The following KLHL24 variants were observed in gnomAD, a reference collection of about 807,000 sequenced individuals.
KLHL24 encodes the protein kelch-like protein 24.
KLHL24 carries 29 observed loss-of-function variants against 53.4 expected under a neutral mutation model. The ratio of observed to expected loss-of-function variants is 0.54; its 90% CI spans 0.40 to 0.74. The LOEUF (loss-of-function observed/expected upper bound fraction) is 0.74, where lower values mean the gene tolerates loss of function less well. KLHL24 is among the 30% of genes least tolerant of loss of function. The pLI is 0.00. For synonymous variants in KLHL24, 222 were observed against 253.7 expected, an observed-to-expected ratio of 0.88 and a Z score of 1.19; for missense variants, 504 against 744.0, an observed-to-expected ratio of 0.68 and a Z score of 3.75.
intron 1 of KLHL24, among the ~76,000 whole-genome samples, chr3:183,637,751 C>T (rs1225520640): frequency 2.0e-5 from 3 of 152,162 alleles, no homozygotes; most frequent in African/African-American, 7.2e-5. Flanking sequence ...CTCCGCCTCC[C>T]GAGTTCAATC....
chr3:183,650,333 A>G lies in KLHL24; in HGVS notation c.-24A>G. 1.3e-6 allele frequency: 2 copies of G among 1,581,464 alleles called. No homozygotes were observed. Among genetic ancestry groups the G allele is most frequent in the Non-Finnish European group, 1.7e-6 (2 of 1,157,622 alleles). On this transcript the variant is annotated 5_prime_UTR_variant, in exon 3 of 8. Transcript: ENST00000242810. This position sits in a 1 kb window ranked among gnomAD's most constrained non-coding sequence, Gnocchi z 4.5. ...GATCCCTAATAGTCATTTCTCAACA[A>G]TTATATAGTCAACTGATGTAACAAT...
At chr3:183,635,985 C>G (rs1316308454) in intron 1 of KLHL24, among the ~76,000 whole-genome samples, 192 bp downstream of exon 1, 1 of 152,168 alleles carries the variant, frequency 6.6e-6, no homozygotes, top group Non-Finnish European at 1.5e-5. Flanking sequence ...TCTTCCTCCC[C>G]CGCTTGGTAG....
rs1718050347 is a variant in KLHL24 at position 183,651,078 on chromosome 3, T to C, written c.722T>C (p.Val241Ala). ...EAVMRWVYRA[V>A]DLRRPLLHEL... The stretch of plus-strand genomic sequence containing the variant: ...GTCATGCGTTGGGTCTATCGTGCCG[T>C]TGATCTGAGAAGACCACTGTTACAC... Residue 241 changes from valine to alanine, a missense_variant, in exon 3 of 8, where the codon GTT (valine) becomes GCT (alanine). Transcript: ENST00000242810. The C allele has an allele frequency of 6.2e-7, 1 of 1,614,070 alleles. No individual in the cohort carries two copies. The highest frequency in any genetic ancestry group is 8.5e-7 in the Non-Finnish European group (1 of 1,180,036).
chr3:183,646,533 G>A (rs1458573953), intron 2 of KLHL24, among the ~76,000 whole-genome samples: 1 of 152,156 alleles, frequency 6.6e-6, no homozygotes, highest in Non-Finnish European at 1.5e-5. Context: ...CAGAGAAACA[G>A]AAAAGATCCT....
intron 1 of KLHL24, among the ~76,000 whole-genome samples, chr3:183,640,022 C>T (rs1012361221): frequency 1.3e-5 from 2 of 152,162 alleles, no homozygotes; most frequent in Non-Finnish European, 2.9e-5. Context: ...GAGACTCCAT[C>T]TCAATAAATA....
chr3:183,647,513 C>T (rs943523410), intron 2 of KLHL24, among the ~76,000 whole-genome samples: 1 of 150,932 alleles, frequency 6.6e-6, no homozygotes, highest in African/African-American at 2.4e-5. Context: ...GAGATTTAGA[C>T]CATCCTGGTC....
At chr3:183,646,663 A>T (rs1440674010) in intron 2 of KLHL24, among the ~76,000 whole-genome samples, 1 of 152,240 alleles carries the variant, frequency 6.6e-6, no homozygotes, top group African/African-American at 2.4e-5. Flanking sequence ...CCTAGGCTTC[A>T]GGAAGGTTAA....
chr3:183,646,250 C>T (rs868282450), intron 2 of KLHL24, among the ~76,000 whole-genome samples: 1 of 150,690 alleles, frequency 6.6e-6, no homozygotes. Flanking sequence ...TAGTCCCACC[C>T]GCTTGGACAG....
At chr3:183,654,321 C>T (rs1718553807) in intron 3 of KLHL24, among the ~76,000 whole-genome samples, 1 of 152,148 alleles carries the variant, frequency 6.6e-6, no homozygotes, top group Admixed American at 6.6e-5. Flanking sequence ...ATTCACATCT[C>T]TTTGTCTTCC....
intron 1 of KLHL24, among the ~76,000 whole-genome samples, chr3:183,640,910 A>G (rs1252310083): frequency 1.3e-5 from 2 of 151,734 alleles, no homozygotes; most frequent in Non-Finnish European, 2.9e-5. Flanking sequence ...AGTTTCTGTT[A>G]TCTTGTGGTG....
intron 3 of KLHL24, among the ~76,000 whole-genome samples, chr3:183,653,419 A>G (rs1423208151): frequency 6.6e-6 from 1 of 152,232 alleles, no homozygotes; most frequent in Admixed American, 6.5e-5. Context: ...GTGGATTAAC[A>G]TCTAAAGGCT....
At position 183,682,913 on chromosome 3, in the gene KLHL24, T is replaced by C. The variant is rs1299890276; in HGVS notation, c.*3627T>C. 2.0e-5 allele frequency: 3 copies of C among 151,128 alleles called. No homozygotes were observed. The highest frequency in any genetic ancestry group is 4.4e-5 in the Non-Finnish European group (3 of 67,874). 9.4% of individuals were successfully genotyped at this position (151,128 alleles called of 1,614,324 possible). ...AGATTTATATGTGGAAAAGACGACA[T>C]CTACTTCAAACTGTATTTTTTTCGT... is the stretch of plus-strand genomic sequence containing the variant. On this transcript the variant is annotated 3_prime_UTR_variant, in exon 8 of 8. Transcript: ENST00000242810.
chr3:183,680,558 C>G lies in KLHL24; in HGVS notation c.*1272C>G, dbSNP rs777916125. On this transcript the variant is annotated 3_prime_UTR_variant, in exon 8 of 8. Coordinates refer to ENST00000242810, the MANE Select transcript of KLHL24 (RefSeq NM_017644.3). ...GTTCCCATCTTTAAGGTAAGTCTTT[C>G]ATTTGGTCCCCATTGTGTAAAATAC... 1 of 152,212 alleles carries G rather than the reference C, an allele frequency of 6.6e-6. No homozygotes were observed. The highest frequency in any genetic ancestry group is 6.5e-5 in the Admixed American group (1 of 15,282). The allele number at this position is 152,212 out of a possible 1,614,324, so 9.4% of individuals were successfully genotyped here.
intron 1 of KLHL24, among the ~76,000 whole-genome samples, chr3:183,640,921 G>A (rs1032270872): frequency 2.0e-5 from 3 of 151,942 alleles, no homozygotes; most frequent in Admixed American, 2.0e-4. Flanking sequence ...TCTTGTGGTG[G>A]GTAAATATGG....
chr3:183,670,645 G>C lies in KLHL24; in HGVS notation c.1225-389G>C, dbSNP rs1576968895. 2.6e-5 allele frequency among the ~76,000 whole-genome samples: 4 copies of C among 152,086 alleles called. No individual in the cohort carries two copies. In the East Asian group the frequency reaches 7.7e-4, roughly 29 times the overall value. On this transcript the variant is annotated intron_variant, in intron 5 of 7. Coordinates refer to ENST00000242810, the MANE Select transcript of KLHL24 (RefSeq NM_017644.3). ...ATTACCCATAAGTGTGAATATTTAA[G>C]CTAAATTGTACCATTCTCAGTGTGA... is the stretch of plus-strand genomic sequence containing the variant.
rs958805128 is a variant in KLHL24, at chr3:183,651,292, T to G, written c.920+16T>G. The G allele has an allele frequency of 1.3e-6, 2 of 1,588,220 alleles. No homozygotes were observed. The highest frequency in any genetic ancestry group is 1.7e-6 in the Non-Finnish European group (2 of 1,165,198). Reference sequence around the variant, plus strand: ...GGCCACGCAGGTGAGAAGACTGTTTTCAAATATAGTTAACAAAAGTTTTTA... The same window carrying G: ...GGCCACGCAGGTGAGAAGACTGTTTGCAAATATAGTTAACAAAAGTTTTTA... On this transcript the variant is annotated intron_variant, in intron 3 of 7. Coordinates refer to ENST00000242810, the MANE Select transcript of KLHL24 (RefSeq NM_017644.3).
Position 183,663,307 on chromosome 3 carries a change from C to T in KLHL24, c.921-151C>T. On this transcript the variant is annotated intron_variant, in intron 3 of 7. Coordinates refer to ENST00000242810, the MANE Select transcript of KLHL24 (RefSeq NM_017644.3). This position sits in a 1 kb window ranked among gnomAD's most constrained non-coding sequence, Gnocchi z 4.9. ...AAACGTTCTCAAAGTAAGTAATTTCCAGGCTGTACCGTTTGGCACATGCAC... is the reference window on the plus strand; with the variant it reads ...AAACGTTCTCAAAGTAAGTAATTTCTAGGCTGTACCGTTTGGCACATGCAC... 2.6e-6 allele frequency: 1 copy of T among 384,164 alleles called. No individual in the cohort carries two copies. The highest frequency in any genetic ancestry group is 4.6e-6 in the Non-Finnish European group (1 of 219,356). The allele number at this position is 384,164 out of a possible 1,614,324, so 23.8% of individuals were successfully genotyped here.
At chr3:183,640,437 A>C (rs1192650296) in intron 1 of KLHL24, among the ~76,000 whole-genome samples, 1 of 152,192 alleles carries the variant, frequency 6.6e-6, no homozygotes, top group Non-Finnish European at 1.5e-5. Context: ...TGTCATCAAC[A>C]GCTATCTGTT....
intron 5 of KLHL24, 108 bp downstream of exon 5, chr3:183,665,147 A>G (rs1720350122): frequency 1.6e-6 from 1 of 644,894 alleles, no homozygotes; most frequent in Non-Finnish European, 2.8e-6. Flanking sequence ...TTCAAATTGT[A>G]TTTCCTTCCA....
Sources: allele counts gnomAD v4.1 joint callset (sites outside exome capture counted in the v4.1 genomes callset), GRCh38; gene constraint gnomAD v4.1.1; non-coding constraint Gnocchi (gnomAD v3.1); transcripts MANE v1.5; gene names NCBI Gene and HGNC (gene_info 2026-07-23, HGNC 2026-07-21).